Variants in DAB1 observed in about 807,000 individuals in gnomAD.
The protein encoded by DAB1 is disabled homolog 1.
A neutral mutation model predicts 64.6 loss-of-function variants in DAB1; 15 were observed. That is an observed-to-expected ratio of 0.23 (90% CI 0.16 to 0.36). The LOEUF is 0.36. DAB1 is among the 10% of genes least tolerant of loss of function. DAB1 has a pLI of 1.00. For synonymous variants in DAB1, 235 were observed against 251.9 expected (o/e 0.93, Z 0.64); for missense variants, 596 against 706.7 (o/e 0.84, Z 1.78).
chr1:57,731,018 C>T (rs1647389737), intron 6 of DAB1, among the ~76,000 whole-genome samples: 1 of 152,114 alleles, frequency 6.6e-6, no homozygotes, highest in African/African-American at 2.4e-5. Context: ...TGCTTGTATA[C>T]CCATATTCAG....
chr1:58,416,041 C>T (rs1019002397), intron 3 of DAB1, among the ~76,000 whole-genome samples: 6 of 152,078 alleles, frequency 3.9e-5, no homozygotes, highest in African/African-American at 1.4e-4. Context: ...CTGTTTTTTG[C>T]CCATATCCCC....
chr1:57,147,299 G>A (rs1219545269), intron 2 of DAB1, among the ~76,000 whole-genome samples: 3 of 151,916 alleles, frequency 2.0e-5, no homozygotes, highest in Non-Finnish European at 4.4e-5. Context: ...TTATAGGCGT[G>A]AGTATCACCA....
intron 1 of DAB1, among the ~76,000 whole-genome samples, chr1:58,545,238 C>G (rs1452011418): frequency 6.6e-6 from 1 of 152,178 alleles, no homozygotes; most frequent in Non-Finnish European, 1.5e-5. Context: ...CTGCACATGA[C>G]AAGCAAACTC....
At position 57,631,057 on chromosome 1, in the gene DAB1, G is replaced by A. The variant is rs563970045; in HGVS notation, n.625+18535C>T. ...TGGATACAGGGACTTGTGCATCAGAGCCACCAACTACACATGATAAAAATA... is the reference window on the plus strand; with the variant it reads ...TGGATACAGGGACTTGTGCATCAGAACCACCAACTACACATGATAAAAATA... On this transcript the variant is annotated intron_variant and non_coding_transcript_variant, in intron 7 of 20. Transcript: ENST00000485760. 3.9e-5 allele frequency among the ~76,000 whole-genome samples: 6 copies of A among 152,252 alleles called. No homozygotes were observed. In the East Asian group the frequency reaches 1.2e-3, roughly 29 times the overall value.
intron 5 of DAB1, among the ~76,000 whole-genome samples, chr1:58,148,439 G>C (rs1190742267): frequency 6.6e-6 from 1 of 152,156 alleles, no homozygotes; most frequent in Non-Finnish European, 1.5e-5. Flanking sequence ...ACATGGCTTG[G>C]CCTCTGTCTG....
chr1:58,112,659 A>G (rs906648134), intron 5 of DAB1, among the ~76,000 whole-genome samples: 4 of 152,250 alleles, frequency 2.6e-5, no homozygotes, highest in African/African-American at 9.6e-5. Context: ...CATGGAAACC[A>G]TAGGTCCTAA....
chr1:58,502,215 G>C (rs778486391), intron 3 of DAB1, among the ~76,000 whole-genome samples: 2 of 152,074 alleles, frequency 1.3e-5, no homozygotes, highest in Non-Finnish European at 2.9e-5. Context: ...AAATCAAAAT[G>C]ATCAAAATTT....
chr1:57,856,111 G>A (rs1300294520), intron 1 of DAB1, among the ~76,000 whole-genome samples: 3 of 152,258 alleles, frequency 2.0e-5, no homozygotes, highest in Non-Finnish European at 2.9e-5. Context: ...GCAGAGAGTC[G>A]GTATCCACAG....
chr1:57,673,820 A>C (rs1389320120), intron 6 of DAB1, among the ~76,000 whole-genome samples: 2 of 152,200 alleles, frequency 1.3e-5, no homozygotes, highest in Non-Finnish European at 2.9e-5. Context: ...TAGACTAATT[A>C]GTCTTTCACT....
chr1:57,332,073 C>T (rs1314129939), intron 1 of DAB1, among the ~76,000 whole-genome samples: 2 of 152,172 alleles, frequency 1.3e-5, no homozygotes, highest in Admixed American at 6.5e-5. Context: ...AAGTGATTCT[C>T]GGGCCTCAGC....
At chr1:57,108,366 C>A (rs895540363) in intron 4 of DAB1, among the ~76,000 whole-genome samples, 1 of 152,176 alleles carries the variant, frequency 6.6e-6, no homozygotes, top group Non-Finnish European at 1.5e-5. Context: ...TATCTACCTG[C>A]ACTCAGCTGT....
chr1:58,350,850 GT>G (rs1242304478), intron 3 of DAB1, among the ~76,000 whole-genome samples: 13 of 152,132 alleles, frequency 8.5e-5, no homozygotes. Context: ...TGCTGTTTTG[GT>G]TACTATAGTC....
At chr1:57,263,932 C>T (rs1335345996) in intron 2 of DAB1, among the ~76,000 whole-genome samples, 1 of 152,090 alleles carries the variant, frequency 6.6e-6, no homozygotes, top group African/African-American at 2.4e-5. Context: ...CACATTCTAC[C>T]CTGTACCACA....
At chr1:58,221,051 T>A (rs1659143690) in intron 4 of DAB1, among the ~76,000 whole-genome samples, 1 of 150,590 alleles carries the variant, frequency 6.6e-6, no homozygotes, top group Admixed American at 6.6e-5. Flanking sequence ...TGGTTTTCCC[T>A]AGTGTACTGT....
At chr1:57,831,336 G>T (rs540884014) in intron 1 of DAB1, among the ~76,000 whole-genome samples, 2 of 152,106 alleles carry the variant, frequency 1.3e-5, no homozygotes, top group Non-Finnish European at 2.9e-5. Context: ...TCCCTTACTC[G>T]TCTAGCTGTA....
At chr1:57,011,894 A>G (rs145363589) in intron 12 of DAB1, among the ~76,000 whole-genome samples, 221 of 152,350 alleles carry the variant, frequency 1.5e-3, no homozygotes, top group African/African-American at 5.1e-3. Flanking sequence ...GAGGTATTCA[A>G]TAAACACATG....
At chr1:57,574,273 G>A (rs1018937921) in intron 7 of DAB1, among the ~76,000 whole-genome samples, 4 of 152,134 alleles carry the variant, frequency 2.6e-5, no homozygotes, top group Admixed American at 1.3e-4. Context: ...GGCATGGCTG[G>A]AGGATTTGTG....
At chr1:58,284,704 C>T (rs1353894194) in intron 4 of DAB1, among the ~76,000 whole-genome samples, 1 of 152,216 alleles carries the variant, frequency 6.6e-6, no homozygotes, top group Non-Finnish European at 1.5e-5. Context: ...TTCTTTGCCT[C>T]TTTATTATCT....
intron 1 of DAB1, among the ~76,000 whole-genome samples, chr1:57,319,101 T>G (rs2100758184): frequency 6.6e-6 from 1 of 152,314 alleles, no homozygotes; most frequent in East Asian, 1.9e-4. Context: ...GTGGCAGATC[T>G]TATTGAACCA....
Sources: gnomAD v4.1 joint callset for allele counts (sites outside exome capture counted in the v4.1 genomes callset) on GRCh38, gnomAD v4.1.1 for gene constraint, MANE v1.5 for transcripts, NCBI Gene and HGNC (gene_info 2026-07-23, HGNC 2026-07-21) for gene names.